The following MLLT3 variants were observed in gnomAD, a reference collection of about 807,000 sequenced individuals.
MLLT3 encodes protein AF-9.
MLLT3 carries 4 observed loss-of-function variants against 53.2 expected under a neutral mutation model. The ratio of observed to expected loss-of-function variants is 0.08; its 90% CI spans 0.04 to 0.17. The LOEUF (loss-of-function observed/expected upper bound fraction) is 0.17, where lower values mean the gene tolerates loss of function less well. MLLT3 is among the 10% of genes least tolerant of loss of function. The pLI, the probability that MLLT3 is intolerant of heterozygous loss-of-function variation, is 1.00. For synonymous variants in MLLT3, 283 were observed against 230.6 expected (o/e 1.23, Z -2.06); for missense variants, 569 against 684.0 (o/e 0.83, Z 1.87).
chr9:20,441,941 G>C (rs945637037), intron 4 of MLLT3, among the ~76,000 whole-genome samples: 3 of 152,056 alleles, frequency 2.0e-5, no homozygotes, highest in Admixed American at 6.6e-5. Context: ...GTTACACATC[G>C]AAGAAAGCCT....
intron 2 of MLLT3, among the ~76,000 whole-genome samples, chr9:20,563,139 G>A (rs1819259061): frequency 1.3e-5 from 2 of 151,984 alleles, no homozygotes; most frequent in African/African-American, 4.8e-5. Context: ...AGAATTCAAA[G>A]GAAAAAATTT....
rs1391174932 is a variant in MLLT3 at position 20,535,717 on chromosome 9, C to G, written c.194-78931G>C. On this transcript the variant is annotated intron_variant, in intron 2 of 10. Coordinates refer to ENST00000380338, the MANE Select transcript of MLLT3 (RefSeq NM_004529.4). ...AGGGTCTTGGTACAGCAGAGATGCT[C>G]ACCAGAATTAAATTCAGTTCAGGAG... Among the ~76,000 whole-genome samples the G allele has an allele frequency of 3.3e-5, 5 of 152,320 alleles. No individual in the cohort carries two copies. In the East Asian group the frequency reaches 7.7e-4, roughly 23 times the overall value.
At chr9:20,434,406 A>T (rs1364436189) in intron 4 of MLLT3, among the ~76,000 whole-genome samples, 3 of 152,188 alleles carry the variant, frequency 2.0e-5, no homozygotes, top group Admixed American at 6.5e-5. Flanking sequence ...AATTTTTTTT[A>T]AATTATAAAG....
intron 4 of MLLT3, among the ~76,000 whole-genome samples, chr9:20,422,297 C>T (rs1198678451): frequency 6.6e-6 from 1 of 152,162 alleles, no homozygotes; most frequent in Non-Finnish European, 1.5e-5. Context: ...AATAATCTCC[C>T]ATTTTTTAAG....
At chr9:20,392,912 T>C (rs556079393) in intron 5 of MLLT3, among the ~76,000 whole-genome samples, 1 of 152,296 alleles carries the variant, frequency 6.6e-6, no homozygotes, top group East Asian at 1.9e-4. Flanking sequence ...TCCCAGCACT[T>C]TGGGAGGCCA....
intron 2 of MLLT3, among the ~76,000 whole-genome samples, chr9:20,569,601 C>T (rs1169373530): frequency 1.3e-5 from 2 of 152,112 alleles, no homozygotes; most frequent in Non-Finnish European, 2.9e-5. Flanking sequence ...AGTACACAAG[C>T]CAATGACGAC....
At chr9:20,353,758 G>C (rs1434511995) in intron 9 of MLLT3, among the ~76,000 whole-genome samples, 162 bp from the exon 10 acceptor site, 1 of 152,214 alleles carries the variant, frequency 6.6e-6, no homozygotes, top group African/African-American at 2.4e-5. Flanking sequence ...GGCCTCTGCA[G>C]AACAAGCCTG....
At chr9:20,364,086 C>T (rs1821390503) in intron 6 of MLLT3, among the ~76,000 whole-genome samples, 1 of 152,180 alleles carries the variant, frequency 6.6e-6, no homozygotes, top group Non-Finnish European at 1.5e-5. Flanking sequence ...GCATTTCAGT[C>T]AAGTTCAGAT....
intron 4 of MLLT3, among the ~76,000 whole-genome samples, chr9:20,422,658 C>T (rs1316144485): frequency 6.6e-6 from 1 of 152,142 alleles, no homozygotes; most frequent in Non-Finnish European, 1.5e-5. Context: ...CCATACCTGA[C>T]TATGAATTCT....
chr9:20,357,538 T>C (rs1056213794), intron 8 of MLLT3, among the ~76,000 whole-genome samples: 1 of 152,252 alleles, frequency 6.6e-6, no homozygotes, highest in Admixed American at 6.5e-5. Flanking sequence ...TATATTTTTC[T>C]GTATCACTTT....
intron 5 of MLLT3, among the ~76,000 whole-genome samples, chr9:20,393,217 T>A (rs1822232589): frequency 6.6e-6 from 1 of 152,084 alleles, no homozygotes; most frequent in African/African-American, 2.4e-5. Flanking sequence ...TTATAAAAAA[T>A]AAAGAAATTA....
At chr9:20,529,992 C>T (rs552286790) in intron 2 of MLLT3, among the ~76,000 whole-genome samples, 1 of 152,254 alleles carries the variant, frequency 6.6e-6, no homozygotes, top group South Asian at 2.1e-4. Context: ...ACCACCTCCA[C>T]TACTGAGAAA....
chr9:20,416,424 G>C (rs117744310), intron 4 of MLLT3, among the ~76,000 whole-genome samples: 8 of 152,002 alleles, frequency 5.3e-5, no homozygotes, highest in African/African-American at 1.9e-4. Flanking sequence ...CAACACTCCA[G>C]CACCAGGAAG....
In MLLT3 at chr9:20,556,501, G is replaced by C. The variant is rs142456406; in HGVS notation, c.193+64153C>G. Among the ~76,000 whole-genome samples the C allele has an allele frequency of 3.8e-3, 585 of 152,124 alleles. 6 individuals are homozygous for C. The highest frequency in any genetic ancestry group is 0.026 in the Admixed American group (401 of 15,278). On this transcript the variant is annotated intron_variant, in intron 2 of 10. Coordinates refer to ENST00000380338, the MANE Select transcript of MLLT3 (RefSeq NM_004529.4). ...AGTTCGAGACCAGCCTGGCCAACAA[G>C]GTGAAACCCCATCTCTACTAAAAAC...
chr9:20,563,854 G>A (rs1174424629), intron 2 of MLLT3, among the ~76,000 whole-genome samples: 3 of 152,062 alleles, frequency 2.0e-5, no homozygotes, highest in Non-Finnish European at 4.4e-5. Flanking sequence ...AACAGAATCT[G>A]TAAAAGAAGA....
chr9:20,419,856 G>T (rs1214954172), intron 4 of MLLT3, among the ~76,000 whole-genome samples: 1 of 152,126 alleles, frequency 6.6e-6, no homozygotes, highest in African/African-American at 2.4e-5. Flanking sequence ...GGGAAGAAAT[G>T]AGGGGTAAAA....
chr9:20,529,123 G>A (rs1192277639), intron 2 of MLLT3, among the ~76,000 whole-genome samples: 2 of 152,100 alleles, frequency 1.3e-5, no homozygotes, highest in Admixed American at 1.3e-4. Flanking sequence ...CTGACTCTAG[G>A]GCCACACCTG....
chr9:20,550,992 T>C (rs547719605), intron 2 of MLLT3, among the ~76,000 whole-genome samples: 1 of 152,314 alleles, frequency 6.6e-6, no homozygotes, highest in African/African-American at 2.4e-5. Flanking sequence ...CTCAAACTCC[T>C]GGCCTCAAGT....
chr9:20,492,615 T>A (rs1454510829), intron 2 of MLLT3, among the ~76,000 whole-genome samples: 2 of 151,920 alleles, frequency 1.3e-5, no homozygotes, highest in Non-Finnish European at 2.9e-5. Context: ...TATATATTAA[T>A]GTGCTAGATT....
Sources: allele counts gnomAD v4.1 joint callset (sites outside exome capture counted in the v4.1 genomes callset), GRCh38; gene constraint gnomAD v4.1.1; transcripts MANE v1.5; gene names NCBI Gene and HGNC (gene_info 2026-07-23, HGNC 2026-07-21).